The following TBCK variants were observed in gnomAD, a reference collection of about 807,000 sequenced individuals.
The protein encoded by TBCK is TBC domain-containing protein kinase-like protein.
A neutral mutation model predicts 113.4 loss-of-function variants in TBCK; 99 were observed. That is an observed-to-expected ratio of 0.87 (90% confidence interval 0.74 to 1.03). The LOEUF (loss-of-function observed/expected upper bound fraction) is 1.03. TBCK is among the 50% of genes least tolerant of loss of function. TBCK has a pLI of 0.00. For synonymous variants in TBCK, 369 were observed against 370.8 expected, an observed-to-expected ratio of 1.00 and a Z score of 0.05; for missense variants, 1,045 against 1,061.3, an observed-to-expected ratio of 0.98 and a Z score of 0.21.
At chr4:106,205,168 T>C (rs1027935366) in intron 20 of TBCK, among the ~76,000 whole-genome samples, 3 of 152,230 alleles carry the variant, frequency 2.0e-5, no homozygotes, top group African/African-American at 7.2e-5. Context: ...TATCTGCCAC[T>C]GTGAAATTGG....
chr4:106,197,405 G>GTATATA (rs1226611535), intron 20 of TBCK, among the ~76,000 whole-genome samples: 5 of 105,784 alleles, frequency 4.7e-5, no homozygotes, highest in African/African-American at 1.2e-4. Context: ...GTGTGTGTGT[G>GTATATA]TGTGTGTATA....
Position 106,247,276 on chromosome 4 carries a change from T to G in TBCK, c.794A>C (p.Asp265Ala). 2 of 1,611,722 alleles carry G rather than the reference T, an allele frequency of 1.2e-6. No individual in the cohort carries two copies. The highest frequency in any genetic ancestry group is 1.7e-6 in the Non-Finnish European group (2 of 1,178,432). ...GAATACTTTGTCCTTCATTAATTGA[T>G]CTGGGGTTGGCCTTGAGAACATTTA... is the stretch of plus-strand genomic sequence containing the variant. The part of the protein sequence containing the change: ...TFHPSKRPTP[D>A]QLMKDKVFSE... Residue 265 changes from aspartate (D) to alanine (A), a missense_variant, in exon 10 of 26, where the codon GAT becomes GCT. Coordinates refer to ENST00000394708, the MANE Select transcript of TBCK (RefSeq NM_001163435.3).
intron 2 of TBCK, among the ~76,000 whole-genome samples, chr4:106,296,799 G>A (rs1766357959): frequency 2.0e-5 from 3 of 151,706 alleles, no homozygotes; most frequent in Admixed American, 2.0e-4. Flanking sequence ...TATTTAACAG[G>A]AATTTAAAGA....
chr4:106,202,180 CT>C (rs11288078), intron 20 of TBCK, among the ~76,000 whole-genome samples: 143,564 of 150,042 alleles, frequency 0.96, 68,958 homozygotes, highest in Middle Eastern at 1. Flanking sequence ...AAGATACACA[CT>C]TTTTTTTTTT....
Position 106,227,356 on chromosome 4 carries a change from A to C in TBCK, c.1774+3007T>G, listed in dbSNP as rs184080201. Among the ~76,000 whole-genome samples the C allele has an allele frequency of 1.9e-3, 290 of 151,996 alleles. 2 individuals are homozygous for C. Among genetic ancestry groups the C allele is most frequent in the African/African-American group, 6.8e-3 (283 of 41,380 alleles). On this transcript the variant is annotated intron_variant, in intron 19 of 25. Transcript: ENST00000394708. The stretch of plus-strand genomic sequence containing the variant: ...ATACCTCAAGGTACATGATGCTGAA[A>C]AAACAAATGTTTTTATGTGCTAAGC...
At chr4:106,307,360 AAT>A (rs1332794676) in intron 2 of TBCK, among the ~76,000 whole-genome samples, 1 of 152,166 alleles carries the variant, frequency 6.6e-6, no homozygotes, top group Non-Finnish European at 1.5e-5. Flanking sequence ...ATGTAATTAA[AAT>A]ATGTAAAACA....
chr4:106,075,838 T>G (rs945956340), intron 25 of TBCK, among the ~76,000 whole-genome samples: 6 of 152,270 alleles, frequency 3.9e-5, no homozygotes, highest in Non-Finnish European at 7.3e-5. Context: ...CTAAGCATGT[T>G]AGCACATACA....
intron 25 of TBCK, among the ~76,000 whole-genome samples, chr4:106,057,307 T>C (rs1439789481): frequency 6.6e-6 from 1 of 151,730 alleles, no homozygotes; most frequent in African/African-American, 2.4e-5. Context: ...TCCTTGGTGT[T>C]TTAAAATTTG....
rs190473777 is a variant in TBCK, at chr4:106,060,593, C to T, written c.2572-13913G>A. ...GCACCTGGTCACCCAAGAGCTCTGA[C>T]GGAGAACATACAAAGAGATGAATGT... On this transcript the variant is annotated intron_variant, in intron 25 of 25. Coordinates refer to ENST00000394708, the MANE Select transcript of TBCK (RefSeq NM_001163435.3). 7.3e-4 allele frequency among the ~76,000 whole-genome samples: 111 copies of T among 151,858 alleles called. 1 individual carries two copies. Among genetic ancestry groups the T allele is most frequent in the African/African-American group, 2.6e-3 (106 of 41,492 alleles).
chr4:106,112,532 CCTTA>C (rs1460066612), intron 24 of TBCK, among the ~76,000 whole-genome samples: 1 of 152,136 alleles, frequency 6.6e-6, no homozygotes, highest in Non-Finnish European at 1.5e-5. Flanking sequence ...GAGATTGGAG[CCTTA>C]CTATTGGCCT....
intron 23 of TBCK, among the ~76,000 whole-genome samples, chr4:106,117,315 T>C (rs1743637153): frequency 6.6e-6 from 1 of 152,220 alleles, no homozygotes; most frequent in Non-Finnish European, 1.5e-5. Context: ...TAATTAGGCA[T>C]ACATAGTAAT....
At chr4:106,297,282 A>C (rs554239594) in intron 2 of TBCK, among the ~76,000 whole-genome samples, 137 of 152,234 alleles carry the variant, frequency 9.0e-4, no homozygotes, top group African/African-American at 3.2e-3. Context: ...AACTCAACCA[A>C]ACTTCAACTT....
chr4:106,083,757 A>G (rs950464438), intron 25 of TBCK, among the ~76,000 whole-genome samples: 2 of 152,176 alleles, frequency 1.3e-5, no homozygotes, highest in Non-Finnish European at 2.9e-5. Context: ...GCTGGTCTCC[A>G]GCCTCCTTGA....
At chr4:106,145,545 A>C (rs1430562856) in intron 23 of TBCK, among the ~76,000 whole-genome samples, 1 of 152,168 alleles carries the variant, frequency 6.6e-6, no homozygotes, top group Non-Finnish European at 1.5e-5. Context: ...TTGCAGTAAA[A>C]TTAGGGACTT....
intron 20 of TBCK, among the ~76,000 whole-genome samples, chr4:106,200,365 C>T (rs959996462): frequency 6.6e-6 from 1 of 152,076 alleles, no homozygotes; most frequent in African/African-American, 2.4e-5. Context: ...CATAGGGAGA[C>T]CTCATGTCTA....
At chr4:106,295,230 T>A in intron 2 of TBCK, 64 bp from the exon 3 acceptor site, 1 of 1,380,618 alleles carries the variant, frequency 7.2e-7, no homozygotes, top group Non-Finnish European at 1.0e-6. Flanking sequence ...AACAAAATAA[T>A]ACTCTCCACT....
upstream of TBCK, chr4:106,316,238 C>T (rs6814166): frequency 0.16 from 44,636 of 282,224 alleles, 3,920 homozygotes; most frequent in South Asian, 0.23. Flanking sequence ...CCTTTTCTTC[C>T]GCCCTCACAG....
intron 20 of TBCK, among the ~76,000 whole-genome samples, chr4:106,198,090 T>C (rs1754466898): frequency 6.6e-6 from 1 of 152,142 alleles, no homozygotes; most frequent in Non-Finnish European, 1.5e-5. Context: ...TTTGTACTCA[T>C]GCATTTAAGG....
Position 106,308,966 on chromosome 4 carries a change from G to A in TBCK, c.-6C>T, listed in dbSNP as rs745886628. On this transcript the variant is annotated 5_prime_UTR_variant, in exon 2 of 26. Coordinates refer to ENST00000394708, the MANE Select transcript of TBCK (RefSeq NM_001163435.3). ...GCGTCCTTCAGGGGAAACATTTTTG[G>A]AGTCCTAGGTCTTCTAAGATAATCT... 35 of 1,612,348 alleles carry A rather than the reference G, an allele frequency of 2.2e-5. No homozygotes were observed. Among genetic ancestry groups the A allele is most frequent in the Non-Finnish European group, 2.9e-5 (34 of 1,179,196 alleles).
Sources: gnomAD v4.1 joint callset for allele counts (sites outside exome capture counted in the v4.1 genomes callset) on GRCh38, gnomAD v4.1.1 for gene constraint, MANE v1.5 for transcripts, NCBI Gene and HGNC (gene_info 2026-07-23, HGNC 2026-07-21) for gene names.